The following OR7C1 variants were observed in gnomAD, a reference collection of about 807,000 sequenced individuals.
OR7C1 encodes the protein olfactory receptor 7C1.
For missense variants in OR7C1, 324 were observed against 383.3 expected (o/e 0.85, Z 1.29); for synonymous variants, 152 against 160.7 (o/e 0.95, Z 0.41).
At position 14,807,580 on chromosome 19, in the gene OR7C1, C is replaced by A. The variant is rs994543003; in HGVS notation, c.-435+2226G>T. The stretch of plus-strand genomic sequence containing the variant: ...TGGGGCAGCAGAGAGATAGAGTAAA[C>A]CCTTGTGCCTCAGGTTAGCACAGAG... On this transcript the variant is annotated intron_variant, in intron 2 of 4. Transcript: ENST00000641666. 1.3e-5 allele frequency among the ~76,000 whole-genome samples: 2 copies of A among 151,964 alleles called. 1 individual carries two copies. The highest frequency in any genetic ancestry group is 4.8e-5 in the African/African-American group (2 of 41,300).
At position 14,803,748 on chromosome 19, in the gene OR7C1, C is replaced by T. The variant is rs553499122; in HGVS notation, c.-434-2984G>A. On this transcript the variant is annotated intron_variant, in intron 2 of 4. Transcript: ENST00000641666. ...TTTTTGAGACGGAGTGTCGCTGTGTCGCCCAGGCTGGAGTGCAGTGGCGCG... is the reference window on the plus strand; with the variant it reads ...TTTTTGAGACGGAGTGTCGCTGTGTTGCCCAGGCTGGAGTGCAGTGGCGCG... 4.3e-4 allele frequency among the ~76,000 whole-genome samples: 65 copies of T among 151,460 alleles called. No homozygotes were observed. The South Asian group carries it at 9.8e-3, about 23-fold the overall frequency.
intron 1 of OR7C1, chr19:14,825,932 G>A (rs1028907814): frequency 6.6e-5 from 10 of 152,170 alleles, no homozygotes; most frequent in African/African-American, 2.4e-4. Flanking sequence ...AGGACATTCA[G>A]AATAGTCTGC....
At chr19:14,831,215 C>A (rs1475622010) in intron 1 of OR7C1, among the ~76,000 whole-genome samples, 1 of 152,106 alleles carries the variant, frequency 6.6e-6, no homozygotes, top group African/African-American at 2.4e-5. Flanking sequence ...GATCGCATAT[C>A]CTAATAGAAA....
At chr19:14,814,164 C>A (rs1017575131) in intron 1 of OR7C1, among the ~76,000 whole-genome samples, 1 of 147,642 alleles carries the variant, frequency 6.8e-6, no homozygotes, top group African/African-American at 2.7e-5. Flanking sequence ...CAAAAGGAGA[C>A]AAAATGTAAA....
rs549767030 is a variant in OR7C1, at chr19:14,807,812, C to T, written c.-435+1994G>A. 4.0e-5 allele frequency among the ~76,000 whole-genome samples: 6 copies of T among 151,580 alleles called. No homozygotes were observed. In the South Asian group the frequency reaches 8.3e-4, roughly 21 times the overall value. The stretch of plus-strand genomic sequence containing the variant: ...TCAGGAGGCTGAGGAAGGAGAATGG[C>T]GTGAACCCAGGAGGCGGAGCTTGCA... On this transcript the variant is annotated intron_variant, in intron 2 of 4. Transcript: ENST00000641666.
intron 2 of OR7C1, among the ~76,000 whole-genome samples, chr19:14,803,695 A>AAAT (rs942193705): frequency 1.1e-4 from 16 of 151,136 alleles, no homozygotes; most frequent in South Asian, 1.1e-3. Context: ...CTATCTACCT[A>AAAT]AATAATAATA....
intron 1 of OR7C1, among the ~76,000 whole-genome samples, chr19:14,813,745 GC>G (rs2044702987): frequency 6.6e-6 from 1 of 152,002 alleles, no homozygotes; most frequent in South Asian, 2.1e-4. Context: ...TTATCAAACA[GC>G]CAGATCTTGT....
intron 3 of OR7C1, 25 bp downstream of exon 3, chr19:14,800,508 T>C (rs978046549): frequency 4.5e-5 from 8 of 178,760 alleles, no homozygotes; most frequent in Admixed American, 1.1e-4. Flanking sequence ...ATTAGTGATA[T>C]AGGAGTTAAG....
chr19:14,803,433 T>A (rs74917893), intron 2 of OR7C1, among the ~76,000 whole-genome samples: 1,578 of 151,802 alleles, frequency 0.01, 24 homozygotes, highest in African/African-American at 0.036. Flanking sequence ...GTCGCTGCCA[T>A]GTTGTCTTCT....
At chr19:14,816,570 G>A (rs183170158) in intron 1 of OR7C1, among the ~76,000 whole-genome samples, 2 of 152,282 alleles carry the variant, frequency 1.3e-5, no homozygotes, top group South Asian at 2.1e-4. Flanking sequence ...GTTTACCAGA[G>A]GTTCTTGGGC....
At chr19:14,814,990 C>A (rs1206805378) in intron 1 of OR7C1, among the ~76,000 whole-genome samples, 1 of 152,184 alleles carries the variant, frequency 6.6e-6, no homozygotes, top group Non-Finnish European at 1.5e-5. Context: ...AAGTCACACA[C>A]CCTACCCTTA....
intron 2 of OR7C1, among the ~76,000 whole-genome samples, chr19:14,808,476 G>T (rs1476259612): frequency 2.0e-5 from 3 of 151,994 alleles, no homozygotes; most frequent in Admixed American, 2.0e-4. Context: ...CAGCAACATG[G>T]ATGGAACTGG....
intron 1 of OR7C1, among the ~76,000 whole-genome samples, chr19:14,822,900 T>C (rs1281396808): frequency 2.0e-5 from 3 of 152,120 alleles, no homozygotes; most frequent in African/African-American, 4.8e-5. Flanking sequence ...GTTTCTTCTA[T>C]ATTGGGATAT....
chr19:14,824,120 T>C (rs2145071649), intron 1 of OR7C1: 1 of 152,346 alleles, frequency 6.6e-6, no homozygotes, highest in South Asian at 2.1e-4. Flanking sequence ...CTAACTTTTA[T>C]GGCTTTCACC....
At chr19:14,822,222 G>A (rs543474375) in intron 1 of OR7C1, among the ~76,000 whole-genome samples, 1 of 152,198 alleles carries the variant, frequency 6.6e-6, no homozygotes, top group East Asian at 1.9e-4. Flanking sequence ...TATATATGCA[G>A]TCATGGGATT....
At position 14,799,601 on chromosome 19, in the gene OR7C1, C is replaced by CA. The variant is rs1256689924; in HGVS notation, c.535dup (p.Cys179LeufsTer2). On this transcript the variant is annotated frameshift_variant, in exon 5 of 5. Transcript: ENST00000641666. LOFTEE classifies it low-confidence loss of function (END_TRUNC). Reference sequence around the variant, plus strand: ...GAGCTTCAGGACTTCAAGTAGATCACAAAAAAAGTGTGGAATTTCCATTTC... The same window carrying CA: ...GAGCTTCAGGACTTCAAGTAGATCACAAAAAAAAGTGTGGAATTTCCATTTC... 3 of 1,613,746 alleles carry CA rather than the reference C, an allele frequency of 1.9e-6. No individual in the cohort carries two copies. The highest frequency in any genetic ancestry group is 1.7e-6 in the Non-Finnish European group (2 of 1,179,948).
rs1294376762 is a variant in OR7C1, at chr19:14,808,942, C to T, written c.-435+864G>A. Among the ~76,000 whole-genome samples, 2 of 151,914 alleles carry T rather than the reference C, an allele frequency of 1.3e-5. 1 individual carries two copies. The highest frequency in any genetic ancestry group is 4.9e-5 in the African/African-American group (2 of 41,230). On this transcript the variant is annotated intron_variant, in intron 2 of 4. Transcript: ENST00000641666. ...ATTATGCACCTCGTTGTATGCCCCC[C>T]TTTTTTTACTTCTGTTACAATATTT... is the stretch of plus-strand genomic sequence containing the variant.
At position 14,803,031 on chromosome 19, in the gene OR7C1, G is replaced by T. The variant is rs548351694; in HGVS notation, c.-434-2267C>A. 4.6e-5 allele frequency among the ~76,000 whole-genome samples: 7 copies of T among 152,264 alleles called. No individual in the cohort carries two copies. In the South Asian group the frequency reaches 1.2e-3, roughly 27 times the overall value. On this transcript the variant is annotated intron_variant, in intron 2 of 4. Coordinates refer to ENST00000641666, the Ensembl canonical transcript of OR7C1. ...GGGCCCAAAGATTGGTTGGGGCCAGGCGTCGTGGCTCACGCCTGTAATCTC... is the reference window on the plus strand; with the variant it reads ...GGGCCCAAAGATTGGTTGGGGCCAGTCGTCGTGGCTCACGCCTGTAATCTC...
rs138119508 is a variant in OR7C1, at chr19:14,799,608, A to C, written c.529T>G (p.Phe177Val). 4.3e-6 allele frequency: 7 copies of C among 1,614,128 alleles called. No homozygotes were observed. In the South Asian group the frequency reaches 7.7e-5, roughly 18 times the overall value. Residue 177 changes from phenylalanine to valine, a missense_variant, in exon 5 of 5, where the codon TTT (phenylalanine) becomes GTT (valine). By Grantham distance (50) the Phe-to-Val change is conservative. Coordinates refer to ENST00000641666, the Ensembl canonical transcript of OR7C1. ...AGGACTTCAAGTAGATCACAAAAAA[A>C]GTGTGGAATTTCCATTTCGGTGCAG...
Sources: gnomAD v4.1 joint callset for allele counts (sites outside exome capture counted in the v4.1 genomes callset) on GRCh38, gnomAD v4.1.1 for gene constraint, MANE v1.5 for transcripts, NCBI Gene and HGNC (gene_info 2026-07-23, HGNC 2026-07-21) for gene names.